PDZD2: variants seen among roughly 807,000 people sequenced by gnomAD.
PDZD2 encodes PDZ domain-containing protein 2.
Under a neutral mutation model 220.7 loss-of-function variants are expected in PDZD2, and 90 were observed. The observed-to-expected ratio is 0.41, with a 90% confidence interval of 0.34 to 0.49. PDZD2 has a LOEUF of 0.49. Ranked by LOEUF, PDZD2 falls within the 20% of genes least tolerant of loss-of-function variation. The pLI is 0.28. For synonymous variants in PDZD2, 1,375 were observed against 1,450.5 expected, an observed-to-expected ratio of 0.95 and a Z score of 1.18; for missense variants, 3,174 against 3,608.5, an observed-to-expected ratio of 0.88 and a Z score of 3.08.
At chr5:31,934,580 G>C (rs1340203907) in intron 2 of PDZD2, among the ~76,000 whole-genome samples, 2 of 125,484 alleles carry the variant, frequency 1.6e-5, no homozygotes, top group Non-Finnish European at 3.2e-5. Context: ...AGCATTTTCT[G>C]TTTAGGAGAC....
intron 2 of PDZD2, among the ~76,000 whole-genome samples, chr5:31,938,088 C>A (rs539091640): frequency 3.4e-4 from 52 of 152,282 alleles, no homozygotes; most frequent in African/African-American, 1.2e-3. Flanking sequence ...GATTTCCGCC[C>A]CCATTTAGAG....
chr5:32,087,534 G>C lies in PDZD2; in HGVS notation c.4086G>C (p.Leu1362=). 1 of 1,613,616 alleles carries C rather than the reference G, an allele frequency of 6.2e-7. No individual in the cohort carries two copies. The highest frequency in any genetic ancestry group is 8.5e-7 in the Non-Finnish European group (1 of 1,179,734). Residue 1362 remains leucine, a synonymous_variant, in exon 20 of 25, where the codon CTG becomes CTC. Coordinates refer to ENST00000438447, the MANE Select transcript of PDZD2 (RefSeq NM_178140.4). This position sits in a 1 kb window ranked among gnomAD's most constrained non-coding sequence, Gnocchi z 4.0. ...CTCCAGGTAACCACAGTAAGGCTCTGGAAATGACAGGAATCCATGCACCTG... is the reference window on the plus strand; with the variant it reads ...CTCCAGGTAACCACAGTAAGGCTCTCGAAATGACAGGAATCCATGCACCTG... ...QGAPGNHSKA[L]EMTGIHAPES...
intron 1 of PDZD2, among the ~76,000 whole-genome samples, chr5:31,781,598 A>C (rs571503385): frequency 1.4e-4 from 21 of 152,376 alleles, no homozygotes; most frequent in African/African-American, 4.8e-4. Flanking sequence ...AGTCTTACCC[A>C]GAAGCATAAG....
At chr5:31,884,113 TG>T (rs1489908324) in intron 2 of PDZD2, among the ~76,000 whole-genome samples, 1 of 152,174 alleles carries the variant, frequency 6.6e-6, no homozygotes, top group East Asian at 1.9e-4. Flanking sequence ...CTCAGGAGGC[TG>T]AGGCCGGAGA....
intron 2 of PDZD2, chr5:31,936,141 T>C: frequency 1.0e-6 from 1 of 985,198 alleles, no homozygotes; most frequent in South Asian, 4.7e-5. Context: ...GAGAATCTGC[T>C]CCTCAGCTCC....
At chr5:31,917,564 T>C (rs766553537) in intron 2 of PDZD2, among the ~76,000 whole-genome samples, 2 of 152,080 alleles carry the variant, frequency 1.3e-5, no homozygotes, top group Non-Finnish European at 2.9e-5. Context: ...CATTGAAGGA[T>C]GTATAGAAAT....
rs556618142 is a variant in PDZD2 at position 31,951,098 on chromosome 5, ACT to A, written c.477-32054_477-32053del. Among the ~76,000 whole-genome samples the A allele has an allele frequency of 3.2e-3, 486 of 151,878 alleles. 4 individuals carry two copies. The highest frequency in any genetic ancestry group is 0.011 in the African/African-American group (455 of 41,396). ...CTTTTCTTTTTTGAGATCCAGTCTC[ACT>A]CTGTCTCCCAAACTGGAGAGCAGTG... On this transcript the variant is annotated intron_variant, in intron 2 of 24. Coordinates refer to ENST00000438447, the MANE Select transcript of PDZD2 (RefSeq NM_178140.4).
intron 2 of PDZD2, among the ~76,000 whole-genome samples, chr5:31,800,926 G>C (rs1001839687): frequency 1.1e-4 from 17 of 152,322 alleles, no homozygotes; most frequent in African/African-American, 4.1e-4. Context: ...TGCAAGGAGA[G>C]AACCAGAGCA....
chr5:31,667,192 C>T (rs568083153), intron 1 of PDZD2, among the ~76,000 whole-genome samples: 17 of 145,310 alleles, frequency 1.2e-4, no homozygotes, highest in Non-Finnish European at 1.9e-4. Flanking sequence ...GCTGAGATCG[C>T]GCCACTGCAC....
At chr5:31,878,828 TG>T (rs1739585825) in intron 2 of PDZD2, among the ~76,000 whole-genome samples, 1 of 151,594 alleles carries the variant, frequency 6.6e-6, no homozygotes, top group African/African-American at 2.4e-5. Flanking sequence ...CCCAAAGTGC[TG>T]GGATTACAGG....
At chr5:31,738,783 C>T (rs552206673) in intron 1 of PDZD2, 1 of 152,128 alleles carries the variant, frequency 6.6e-6, no homozygotes, top group East Asian at 1.9e-4. Context: ...GCCTAAGTAT[C>T]GTTTAGCGAT....
At chr5:31,920,563 A>G (rs1192203497) in intron 2 of PDZD2, among the ~76,000 whole-genome samples, 1 of 151,550 alleles carries the variant, frequency 6.6e-6, no homozygotes, top group Non-Finnish European at 1.5e-5. Flanking sequence ...TCTGGGCTAT[A>G]GGGAAGACTG....
chr5:31,698,547 C>T (rs1747475353), intron 1 of PDZD2, among the ~76,000 whole-genome samples: 1 of 148,134 alleles, frequency 6.8e-6, no homozygotes, highest in South Asian at 2.1e-4. Context: ...TGCAGTGAGC[C>T]GAGATTGTGC....
chr5:31,925,267 C>T (rs929026287), intron 2 of PDZD2, among the ~76,000 whole-genome samples: 1 of 151,998 alleles, frequency 6.6e-6, no homozygotes, highest in African/African-American at 2.4e-5. Context: ...AAAACAGGCA[C>T]ACAAACCAAT....
intron 2 of PDZD2, among the ~76,000 whole-genome samples, chr5:31,958,179 G>A (rs1747896508): frequency 6.6e-6 from 1 of 152,068 alleles, no homozygotes; most frequent in South Asian, 2.1e-4. Context: ...TTGGTCTTAC[G>A]TATTAATCTG....
chr5:31,899,993 T>A (rs908366024), intron 2 of PDZD2, among the ~76,000 whole-genome samples: 1 of 152,222 alleles, frequency 6.6e-6, no homozygotes, highest in African/African-American at 2.4e-5. Flanking sequence ...CTAAGGTGTT[T>A]TTCTGTCAAT....
At chr5:32,025,590 G>GTTTT (rs1754582025) in intron 6 of PDZD2, among the ~76,000 whole-genome samples, 2 of 67,650 alleles carry the variant, frequency 3.0e-5, no homozygotes, top group Admixed American at 2.2e-4. Context: ...TAACCATGAT[G>GTTTT]CTTTTTTTTT....
intron 2 of PDZD2, among the ~76,000 whole-genome samples, chr5:31,837,267 G>A (rs1243518684): frequency 1.3e-5 from 2 of 152,210 alleles, no homozygotes; most frequent in African/African-American, 2.4e-5. Flanking sequence ...CTTTGCTGAC[G>A]AGAAGCTCCA....
chr5:31,763,866 T>C (rs1246815980), intron 1 of PDZD2, among the ~76,000 whole-genome samples: 1 of 105,536 alleles, frequency 9.5e-6, no homozygotes, highest in Non-Finnish European at 1.8e-5. Flanking sequence ...GGGAGCCCTC[T>C]GATTAAAAAA....
Sources: allele counts gnomAD v4.1 joint callset (sites outside exome capture counted in the v4.1 genomes callset), GRCh38; gene constraint gnomAD v4.1.1; non-coding constraint Gnocchi (gnomAD v3.1); transcripts MANE v1.5; gene names NCBI Gene and HGNC (gene_info 2026-07-23, HGNC 2026-07-21).